Variants in NKIRAS1 observed in about 807,000 individuals in gnomAD.
The protein encoded by NKIRAS1 is NF-kappa-B inhibitor-interacting Ras-like protein 1.
In NKIRAS1, 16 loss-of-function variants were observed where a neutral mutation model predicts 19.8. That is an observed-to-expected ratio of 0.81 (90% CI 0.55 to 1.23). The LOEUF is 1.23. Among genes scored for constraint, NKIRAS1 ranks in the 50% most tolerant of loss-of-function variants. NKIRAS1 has a pLI of 0.00. For missense variants in NKIRAS1, 184 were observed against 220.0 expected, an observed-to-expected ratio of 0.84 and a Z score of 1.04; for synonymous variants, 88 against 79.0, an observed-to-expected ratio of 1.11 and a Z score of -0.61.
chr3:23,920,671 C>G, upstream of NKIRAS1: 1 of 985,234 alleles, frequency 1.0e-6, no homozygotes, highest in Non-Finnish European at 1.2e-6. Flanking sequence ...CTCCTATCTT[C>G]TCTAGGGGTT....
intron 1 of NKIRAS1, among the ~76,000 whole-genome samples, chr3:23,943,888 T>C (rs759589781): frequency 6.6e-6 from 1 of 152,218 alleles, no homozygotes; most frequent in African/African-American, 2.4e-5. Flanking sequence ...GGTTAAGTCG[T>C]TGAATTTTTT....
chr3:23,902,344 G>C (rs1422372146), intron 3 of NKIRAS1, among the ~76,000 whole-genome samples: 1 of 152,112 alleles, frequency 6.6e-6, no homozygotes, highest in Non-Finnish European at 1.5e-5. Flanking sequence ...TTGGATCATT[G>C]AGAAACCAAA....
At chr3:23,918,129 C>T (rs1047654101), upstream of NKIRAS1, 1 of 1,428,034 alleles carries the variant, frequency 7.0e-7, no homozygotes, top group East Asian at 2.3e-5. Context: ...TGTCTTTCTT[C>T]GCATAGGGCT....
chr3:23,900,666 AAAAG>A (rs1009258481), intron 4 of NKIRAS1, 138 bp downstream of exon 4: 105 of 657,978 alleles, frequency 1.6e-4, no homozygotes, highest in Non-Finnish European at 2.2e-4. Flanking sequence ...AAGAAAAAGA[AAAAG>A]AAAAGAAAAA....
At position 23,893,197 on chromosome 3, in the gene NKIRAS1, T is replaced by C; in HGVS notation, c.477A>G (p.Glu159=). The C allele has an allele frequency of 6.2e-7, 1 of 1,614,002 alleles. No individual in the cohort carries two copies. The highest frequency in any genetic ancestry group is 8.5e-7 in the Non-Finnish European group (1 of 1,179,956). The change falls in exon 5 of 5, where the codon GAA becomes GAG. Residue 159 remains glutamate (E), a synonymous_variant. Coordinates refer to ENST00000425478, the MANE Select transcript of NKIRAS1 (RefSeq NM_020345.4). ...GTTTACTGGCTAATAAAGTGAATGG[T>C]TCAATCAGAGTTTTCCGATCTGTAA... ...VTVTDRKTLI[E]PFTLLASKLS...
At chr3:23,923,612 T>C (rs1705154467) in intron 1 of NKIRAS1, 1 of 152,242 alleles carries the variant, frequency 6.6e-6, no homozygotes, top group African/African-American at 2.4e-5. Context: ...GACATTTAAA[T>C]TTCTTCCAAT....
rs1170279043 is a variant in NKIRAS1, at chr3:23,929,008, AAAAAAG to A, written c.-140+17309_-140+17314del. On this transcript the variant is annotated intron_variant, in intron 1 of 4. Coordinates refer to the NKIRAS1 transcript ENST00000421515. ...CGAGACTCCATCTCTTTAAAAAAAA[AAAAAAG>A]AAAAGAAAAGAAAAGAAAATATATT... is the stretch of plus-strand genomic sequence containing the variant. Among the ~76,000 whole-genome samples the A allele has an allele frequency of 1.9e-3, 263 of 138,404 alleles. 1 individual carries two copies. Among genetic ancestry groups the A allele is most frequent in the African/African-American group, 5.1e-3 (203 of 39,790 alleles). 90.8% of individuals were successfully genotyped at this position (138,404 alleles called of 152,430 possible).
At chr3:23,902,953 A>G (rs1055594449) in intron 3 of NKIRAS1, among the ~76,000 whole-genome samples, 3 of 152,218 alleles carry the variant, frequency 2.0e-5, no homozygotes, top group Admixed American at 2.0e-4. Context: ...CTTTATCCCC[A>G]TCCAGGGGAA....
At chr3:23,937,865 TCG>T (rs200936042) in intron 1 of NKIRAS1, among the ~76,000 whole-genome samples, 3 of 151,940 alleles carry the variant, frequency 2.0e-5, no homozygotes, top group Non-Finnish European at 4.4e-5. Flanking sequence ...ATATACATTA[TCG>T]TGTAGACTGC....
chr3:23,931,711 GGAGA>G lies in NKIRAS1; in HGVS notation c.-140+14608_-140+14611del, dbSNP rs72076467. Among the ~76,000 whole-genome samples, 433 of 48,416 alleles carry G rather than the reference GGAGA, an allele frequency of 8.9e-3. 2 individuals are homozygous for G. The highest frequency in any genetic ancestry group is 0.022 in the Middle Eastern group (1 of 46). 31.8% of individuals were successfully genotyped at this position (48,416 alleles called of 152,430 possible). On this transcript the variant is annotated intron_variant, in intron 1 of 4. Coordinates refer to the NKIRAS1 transcript ENST00000421515. ...GGGAGGAAAAAGAAATGGAAAGGAA[GGAGA>G]GAGAGAGAGAGAGAGAGAGAGAAAG...
In NKIRAS1 at chr3:23,892,155, C is replaced by A. The variant is rs1013744696; in HGVS notation, c.*940G>T. On this transcript the variant is annotated 3_prime_UTR_variant, in exon 5 of 5. Transcript: ENST00000425478. ...CAAAATAGTTATTTCACAGGTGAAA[C>A]CACTAAGTAGCTTACTTCCTACCTT... 6.6e-6 allele frequency: 1 copy of A among 152,154 alleles called. No homozygotes were observed. Among genetic ancestry groups the A allele is most frequent in the Non-Finnish European group, 1.5e-5 (1 of 68,034 alleles). 9.4% of individuals were successfully genotyped at this position (152,154 alleles called of 1,614,324 possible). A position where few individuals can be genotyped will look rare whatever the true frequency, so the allele number is the denominator to read the frequency against.
upstream of NKIRAS1, chr3:23,919,823 A>G (rs1247394777): frequency 2.9e-6 from 3 of 1,042,896 alleles, no homozygotes; most frequent in Admixed American, 5.2e-5. Flanking sequence ...TGTCTGGTGC[A>G]TGTGATGAAA....
intron 4 of NKIRAS1, among the ~76,000 whole-genome samples, chr3:23,900,590 G>A (rs565809902): frequency 2.8e-5 from 4 of 143,432 alleles, no homozygotes; most frequent in African/African-American, 1.0e-4. Context: ...AGCCAAGATC[G>A]CATCATTGCA....
chr3:23,945,980 C>T (rs1280079369), intron 1 of NKIRAS1: 1 of 478,952 alleles, frequency 2.1e-6, no homozygotes, highest in Non-Finnish European at 2.7e-6. Context: ...TGAGGCCGCT[C>T]GGCTCCCTGA....
chr3:23,932,497 T>A (rs142752298), intron 1 of NKIRAS1, among the ~76,000 whole-genome samples: 2,503 of 152,130 alleles, frequency 0.016, 34 homozygotes, highest in Middle Eastern at 0.038. Flanking sequence ...AAGACCAGCC[T>A]GACCAACATG....
intron 1 of NKIRAS1, chr3:23,945,660 TG>T: frequency 2.7e-5 from 7 of 255,264 alleles, no homozygotes; most frequent in Non-Finnish European, 3.1e-5. Flanking sequence ...CGGGGCACTT[TG>T]GGGGGCGGCG....
intron 4 of NKIRAS1, among the ~76,000 whole-genome samples, chr3:23,894,170 T>C (rs1333470909): frequency 6.6e-6 from 1 of 152,128 alleles, no homozygotes; most frequent in East Asian, 1.9e-4. Flanking sequence ...CACCAGACAC[T>C]GCGCGTGACA....
chr3:23,943,272 GC>G (rs1205373220), intron 1 of NKIRAS1, among the ~76,000 whole-genome samples: 1 of 151,884 alleles, frequency 6.6e-6, no homozygotes, highest in Admixed American at 6.6e-5. Context: ...TGCTCTTTTT[GC>G]CCAGGCTGGA....
At chr3:23,907,637 T>C (rs576122167) in intron 3 of NKIRAS1, among the ~76,000 whole-genome samples, 2 of 152,358 alleles carry the variant, frequency 1.3e-5, no homozygotes, top group Admixed American at 1.3e-4. Flanking sequence ...ATCGAGTCAG[T>C]GGCACTAAAC....
Sources: gnomAD v4.1 joint callset for allele counts (sites outside exome capture counted in the v4.1 genomes callset) on GRCh38, gnomAD v4.1.1 for gene constraint, MANE v1.5 for transcripts, NCBI Gene and HGNC (gene_info 2026-07-23, HGNC 2026-07-21) for gene names.